The following ESRRG variants were observed in gnomAD, a reference collection of about 807,000 sequenced individuals.
The protein encoded by ESRRG is estrogen-related receptor gamma.
In ESRRG, 13 loss-of-function variants were observed where a neutral mutation model predicts 44.0. The observed-to-expected ratio is 0.30, with a 90% CI of 0.19 to 0.47. The LOEUF (loss-of-function observed/expected upper bound fraction) is 0.47, where lower values mean the gene tolerates loss of function less well. ESRRG is among the 20% of genes least tolerant of loss of function. The pLI, the probability that ESRRG is intolerant of heterozygous loss-of-function variation, is 1.00. For missense variants in ESRRG, 395 were observed against 580.6 expected, an observed-to-expected ratio of 0.68 and a Z score of 3.29; for synonymous variants, 215 against 214.6, an observed-to-expected ratio of 1.00 and a Z score of -0.02.
intron 1 of ESRRG, among the ~76,000 whole-genome samples, chr1:217,123,540 T>C (rs375311269): frequency 1.3e-5 from 2 of 152,166 alleles, no homozygotes; most frequent in Admixed American, 6.5e-5. Context: ...AAAGAAAATA[T>C]GGTACATATA....
At chr1:216,830,420 G>T (rs528333089) in intron 2 of ESRRG, among the ~76,000 whole-genome samples, 29 of 152,314 alleles carry the variant, frequency 1.9e-4, no homozygotes, top group Non-Finnish European at 3.5e-4. Flanking sequence ...TAGTTAGTGT[G>T]CACAACGCTT....
At chr1:217,134,780 C>T (rs1443720012) in intron 1 of ESRRG, among the ~76,000 whole-genome samples, 1 of 152,226 alleles carries the variant, frequency 6.6e-6, no homozygotes, top group African/African-American at 2.4e-5. Context: ...GGTCCCGTCC[C>T]CTTGACGTTT....
At chr1:216,779,103 T>C (rs1179635591) in intron 2 of ESRRG, among the ~76,000 whole-genome samples, 1 of 126,012 alleles carries the variant, frequency 7.9e-6, no homozygotes, top group Non-Finnish European at 1.6e-5. Flanking sequence ...GCTTAAACTA[T>C]ATATATATAT....
At chr1:216,816,788 A>G (rs1241654067) in intron 2 of ESRRG, among the ~76,000 whole-genome samples, 1 of 152,162 alleles carries the variant, frequency 6.6e-6, no homozygotes, top group African/African-American at 2.4e-5. Flanking sequence ...AGTCCCCCTA[A>G]AAAGAAGGCT....
At chr1:216,565,677 A>T (rs1329663042) in intron 4 of ESRRG, among the ~76,000 whole-genome samples, 1 of 152,164 alleles carries the variant, frequency 6.6e-6, no homozygotes, top group East Asian at 1.9e-4. Flanking sequence ...CAAATACACA[A>T]CAGATAATAT....
intron 2 of ESRRG, among the ~76,000 whole-genome samples, chr1:216,913,810 C>A (rs987491325): frequency 2.6e-5 from 4 of 152,138 alleles, no homozygotes; most frequent in African/African-American, 9.7e-5. Context: ...TAATTATAAA[C>A]CTTGAGGAAG....
chr1:216,965,679 G>A (rs144072106), intron 1 of ESRRG, among the ~76,000 whole-genome samples: 1 of 152,290 alleles, frequency 6.6e-6, no homozygotes, highest in Non-Finnish European at 1.5e-5. Flanking sequence ...AGGCCAAAGG[G>A]CAGCTATATT....
At chr1:216,825,111 C>T (rs1158188188) in intron 2 of ESRRG, among the ~76,000 whole-genome samples, 2 of 152,116 alleles carry the variant, frequency 1.3e-5, no homozygotes, top group African/African-American at 4.8e-5. Flanking sequence ...AACATCATTT[C>T]AGTAATGGTG....
chr1:216,960,967 T>C (rs772800410), intron 1 of ESRRG, among the ~76,000 whole-genome samples: 2 of 152,154 alleles, frequency 1.3e-5, no homozygotes, highest in Non-Finnish European at 2.9e-5. Flanking sequence ...TGTAGGAACA[T>C]ACCAAATTTG....
intron 1 of ESRRG, among the ~76,000 whole-genome samples, chr1:217,054,144 A>T (rs1366297552): frequency 2.0e-5 from 3 of 152,158 alleles, no homozygotes; most frequent in Non-Finnish European, 4.4e-5. Context: ...AACTATTGAC[A>T]AAACATGGGT....
intron 2 of ESRRG, among the ~76,000 whole-genome samples, chr1:216,736,767 C>T (rs2089994559): frequency 6.6e-6 from 1 of 152,188 alleles, no homozygotes; most frequent in Non-Finnish European, 1.5e-5. Flanking sequence ...TGATTAGGCT[C>T]CACCCCTGAC....
At chr1:216,829,129 T>A (rs2095444551) in intron 2 of ESRRG, among the ~76,000 whole-genome samples, 1 of 152,164 alleles carries the variant, frequency 6.6e-6, no homozygotes. Flanking sequence ...GCTGTGAAAA[T>A]CAATTTACAG....
intron 2 of ESRRG, among the ~76,000 whole-genome samples, chr1:216,799,791 A>G (rs1034852845): frequency 6.6e-6 from 1 of 152,168 alleles, no homozygotes; most frequent in Non-Finnish European, 1.5e-5. Flanking sequence ...ACAAACTAGA[A>G]AAAGCAAAAC....
chr1:217,053,133 T>TA (rs71303007), intron 1 of ESRRG, among the ~76,000 whole-genome samples: 35,687 of 118,580 alleles, frequency 0.3, 5,950 homozygotes, highest in East Asian at 0.63. Flanking sequence ...AATCCCATCT[T>TA]AAAAAAAAAA....
chr1:216,872,822 C>T (rs1305440483), intron 2 of ESRRG, among the ~76,000 whole-genome samples: 2 of 152,116 alleles, frequency 1.3e-5, no homozygotes, highest in Non-Finnish European at 2.9e-5. Flanking sequence ...TCATTGCCTT[C>T]TTGATGTAGG....
At chr1:216,733,923 A>C (rs933353033) in intron 2 of ESRRG, among the ~76,000 whole-genome samples, 1 of 146,496 alleles carries the variant, frequency 6.8e-6, no homozygotes, top group Non-Finnish European at 1.5e-5. Flanking sequence ...AGGGAGGCAG[A>C]GGTTGGTGGA....
intron 2 of ESRRG, among the ~76,000 whole-genome samples, chr1:216,736,465 G>A (rs1206371289): frequency 6.6e-6 from 1 of 152,066 alleles, no homozygotes; most frequent in Non-Finnish European, 1.5e-5. Context: ...TTACAGGCGT[G>A]AGCCACCATG....
rs1558139929 is a variant in ESRRG, at chr1:216,506,913, G to A, written c.*26C>T. 1 of 1,598,786 alleles carries A rather than the reference G, an allele frequency of 6.3e-7. No homozygotes were observed. The highest frequency in any genetic ancestry group is 2.2e-5 in the East Asian group (1 of 44,752). ...TTATTTTCCCTTTTTCAACATGAAG[G>A]ATGGGAAGGCCCAGGGAGCTTTTAG... On this transcript the variant is annotated 3_prime_UTR_variant, in exon 7 of 7. Transcript: ENST00000408911.
At chr1:216,684,461 A>G (rs570261979) in intron 1 of ESRRG, among the ~76,000 whole-genome samples, 7 of 152,344 alleles carry the variant, frequency 4.6e-5, no homozygotes, top group African/African-American at 1.7e-4. Context: ...CTCTAAATAC[A>G]GTAAGTGAGT....
Sources: allele counts gnomAD v4.1 joint callset (sites outside exome capture counted in the v4.1 genomes callset), GRCh38; gene constraint gnomAD v4.1.1; transcripts MANE v1.5; gene names NCBI Gene and HGNC (gene_info 2026-07-23, HGNC 2026-07-21).